The following CCR9 variants were observed in gnomAD, a reference collection of about 807,000 sequenced individuals.
The protein encoded by CCR9 is C-C motif chemokine receptor 9.
In CCR9, 4 loss-of-function variants were observed where a neutral mutation model predicts 8.7. The observed-to-expected ratio is 0.46, with a 90% CI of 0.23 to 1.06. CCR9 has a LOEUF of 1.06. Ranked by LOEUF, CCR9 falls within the 50% of genes least tolerant of loss-of-function variation. The pLI is 0.21. For missense variants in CCR9, 394 were observed against 453.6 expected (o/e 0.87, Z 1.19); for synonymous variants, 159 against 168.8 (o/e 0.94, Z 0.45).
intron 1 of CCR9, among the ~76,000 whole-genome samples, chr3:45,891,460 A>AATTTTTTGC (rs1170230555): frequency 4.6e-5 from 7 of 152,156 alleles, no homozygotes; most frequent in African/African-American, 1.7e-4. Flanking sequence ...TGTTTTCATT[A>AATTTTTTGC]ATTTTTTGCA....
At chr3:45,896,261 T>C (rs980198752) in intron 2 of CCR9, among the ~76,000 whole-genome samples, 2 of 152,242 alleles carry the variant, frequency 1.3e-5, no homozygotes, top group Non-Finnish European at 2.9e-5. Context: ...CATTTGCTTT[T>C]ATCATTTGGG....
At chr3:45,897,917 G>T (rs375992321) in intron 2 of CCR9, among the ~76,000 whole-genome samples, 2 of 140,068 alleles carry the variant, frequency 1.4e-5, no homozygotes, top group Non-Finnish European at 3.0e-5. Flanking sequence ...GGCTGCTTGC[G>T]ATTTGCTTCA....
Position 45,900,757 on chromosome 3 carries a change from A to G in CCR9, c.22-53A>G. The G allele has an allele frequency of 6.4e-7, 1 of 1,555,674 alleles. No homozygotes were observed. Among genetic ancestry groups the G allele is most frequent in the Non-Finnish European group, 8.7e-7 (1 of 1,149,882 alleles). ...GAGGTCCATGCCTCTGCCATCAGAC[A>G]GGACCTTCAAAATATTTTCCTTGAC... On this transcript the variant is annotated intron_variant, in intron 2 of 2. Transcript: ENST00000357632. This position sits in a 1 kb window ranked among gnomAD's most constrained non-coding sequence, Gnocchi z 4.7.
At chr3:45,888,583 G>A (rs1702052397) in intron 1 of CCR9, among the ~76,000 whole-genome samples, 3 of 152,216 alleles carry the variant, frequency 2.0e-5, no homozygotes, top group African/African-American at 7.2e-5. Flanking sequence ...AGGCCTCACT[G>A]AGCAGCAAGG....
chr3:45,897,975 C>CA (rs72284250), intron 2 of CCR9, among the ~76,000 whole-genome samples: 40,654 of 105,696 alleles, frequency 0.38, 7,292 homozygotes, highest in Admixed American at 0.47. Context: ...GCTATTTGAC[C>CA]AAAAAAAAAA....
chr3:45,894,962 C>T lies in CCR9; in HGVS notation c.21+8C>T, dbSNP rs969391050. 3 of 1,613,674 alleles carry T rather than the reference C, an allele frequency of 1.9e-6. No homozygotes were observed. The highest frequency in any genetic ancestry group is 1.7e-5 in the Admixed American group (1 of 60,024). ...ACACCCACAGACTTCACAGTGAGTA[C>T]AGCCGTGCTCCTCTGGCTCCTCAAA... On this transcript the variant is annotated splice_region_variant and intron_variant, in intron 2 of 2. Coordinates refer to ENST00000357632, the MANE Select transcript of CCR9 (RefSeq NM_031200.3).
intron 1 of CCR9, among the ~76,000 whole-genome samples, chr3:45,888,701 T>A (rs76878061): frequency 2.9e-4 from 44 of 152,296 alleles, no homozygotes; most frequent in Non-Finnish European, 4.4e-4. Context: ...TTCCCCCCTA[T>A]ATTTTTCCCG....
At chr3:45,888,690 T>G (rs1057085336) in intron 1 of CCR9, among the ~76,000 whole-genome samples, 1 of 152,164 alleles carries the variant, frequency 6.6e-6, no homozygotes, top group Non-Finnish European at 1.5e-5. Flanking sequence ...TATGTGGGAT[T>G]TTCCCCCCTA....
chr3:45,889,927 T>C (rs1241215921), intron 1 of CCR9, among the ~76,000 whole-genome samples: 1 of 151,580 alleles, frequency 6.6e-6, no homozygotes, highest in Non-Finnish European at 1.5e-5. Context: ...TTTGTGAGAA[T>C]ACCAGTAGGG....
intron 2 of CCR9, among the ~76,000 whole-genome samples, chr3:45,895,392 G>C (rs746969606): frequency 6.6e-6 from 1 of 152,230 alleles, no homozygotes; most frequent in Admixed American, 6.5e-5. Flanking sequence ...ACATTCCCCT[G>C]AAAGAGACCA....
Position 45,901,025 on chromosome 3 carries a change from G to C in CCR9, c.237G>C (p.Val79=), listed in dbSNP as rs928827746. The C allele has an allele frequency of 2.5e-6, 4 of 1,614,184 alleles. No individual in the cohort carries two copies. The South Asian group carries it at 4.4e-5, about 18-fold the overall frequency. The change falls in exon 3 of 3, where the codon GTG becomes GTC. Residue 79 remains valine (V), a synonymous_variant. Transcript: ENST00000357632. This position sits in a 1 kb window ranked among gnomAD's most constrained non-coding sequence, Gnocchi z 4.3. Reference sequence around the variant, plus strand: ...TTGTCTACTGGTACTGCACAAGAGTGAAGACCATGACCGACATGTTCCTTT... The same window carrying C: ...TTGTCTACTGGTACTGCACAAGAGTCAAGACCATGACCGACATGTTCCTTT... ...VILVYWYCTR[V]KTMTDMFLLN... is the part of the protein sequence containing the mutation.
At position 45,901,461 on chromosome 3, in the gene CCR9, C is replaced by T. The variant is rs774622553; in HGVS notation, c.673C>T (p.Leu225Phe). 6.2e-7 allele frequency: 1 copy of T among 1,614,156 alleles called. No homozygotes were observed. Among genetic ancestry groups the T allele is most frequent in the South Asian group, 1.1e-5 (1 of 91,088 alleles). ...LTLKVILGFF[L>F]PFVVMACCYT... is the part of the protein sequence containing the mutation. The stretch of plus-strand genomic sequence containing the variant: ...CCTGAAGGTCATTCTGGGGTTCTTC[C>T]TTCCCTTCGTGGTCATGGCTTGCTG... Residue 225 changes from leucine (L) to phenylalanine (F), a missense_variant, in exon 3 of 3, where the codon CTT becomes TTT. Physicochemically the swap from Leu to Phe is conservative, Grantham distance 22. Transcript: ENST00000357632. This position sits in a 1 kb window ranked among gnomAD's most constrained non-coding sequence, Gnocchi z 4.3.
Position 45,901,922 on chromosome 3 carries a change from T to A in CCR9, c.*24T>A. On this transcript the variant is annotated 3_prime_UTR_variant, in exon 3 of 3. Coordinates refer to ENST00000357632, the MANE Select transcript of CCR9 (RefSeq NM_031200.3). The surrounding 1 kb of genome is among the most constrained non-coding windows in gnomAD (Gnocchi z 4.3). ...GAGGGGTCTTCTCTGAGGTGCATGG[T>A]TCTTTTGGAAGAAATGAGAAATACA... The A allele has an allele frequency of 1.3e-6, 2 of 1,531,648 alleles. No homozygotes were observed. The highest frequency in any genetic ancestry group is 1.8e-6 in the Non-Finnish European group (2 of 1,138,692). 94.9% of individuals were successfully genotyped at this position (1,531,648 alleles called of 1,614,324 possible).
chr3:45,893,729 A>G (rs1395198582), intron 1 of CCR9, among the ~76,000 whole-genome samples: 1 of 152,232 alleles, frequency 6.6e-6, no homozygotes, highest in Non-Finnish European at 1.5e-5. Flanking sequence ...TTTGCCTACC[A>G]CAGAGTAAAG....
In CCR9 at chr3:45,900,689, T is replaced by C. The variant is rs113899385; in HGVS notation, c.22-121T>C. Reference sequence around the variant, plus strand: ...AGCAGATGTCCTCAGAATGCCTATGTGTCTTTGGCCTTATCATAGGTGTTT... The same window carrying C: ...AGCAGATGTCCTCAGAATGCCTATGCGTCTTTGGCCTTATCATAGGTGTTT... On this transcript the variant is annotated intron_variant, in intron 2 of 2. Coordinates refer to ENST00000357632, the MANE Select transcript of CCR9 (RefSeq NM_031200.3). The surrounding 1 kb of genome is among the most constrained non-coding windows in gnomAD (Gnocchi z 4.7). 1.1e-6 allele frequency: 1 copy of C among 909,428 alleles called. No individual in the cohort carries two copies. The highest frequency in any genetic ancestry group is 1.7e-6 in the Non-Finnish European group (1 of 594,434). The allele number at this position is 909,428 out of a possible 1,614,324, so 56.3% of individuals were successfully genotyped here.
intron 1 of CCR9, among the ~76,000 whole-genome samples, chr3:45,889,893 C>T (rs1013996461): frequency 6.6e-6 from 1 of 151,400 alleles, no homozygotes; most frequent in Non-Finnish European, 1.5e-5. Flanking sequence ...AACATATATC[C>T]CTATACCTGG....
rs1223174990 is a variant in CCR9 at position 45,902,390 on chromosome 3, G to C, written c.*492G>C. The C allele has an allele frequency of 1.2e-5, 2 of 169,184 alleles. No homozygotes were observed. Among genetic ancestry groups the C allele is most frequent in the Non-Finnish European group, 2.9e-5 (2 of 69,654 alleles). The allele number at this position is 169,184 out of a possible 1,614,324, so 10.5% of individuals were successfully genotyped here. On this transcript the variant is annotated 3_prime_UTR_variant, in exon 3 of 3. Coordinates refer to ENST00000357632, the MANE Select transcript of CCR9 (RefSeq NM_031200.3). ...TCTTGAGCCTGATAACCCATGCCAG[G>C]TCTTATAGATTCCTGATCTAGAACC...
At chr3:45,898,561 C>G (rs910371774) in intron 2 of CCR9, among the ~76,000 whole-genome samples, 1 of 152,232 alleles carries the variant, frequency 6.6e-6, no homozygotes, top group Non-Finnish European at 1.5e-5. Flanking sequence ...CTGGGTCCCT[C>G]TCTTTGCAAT....
In CCR9 at chr3:45,896,104, A is replaced by C. The variant is rs1015272343; in HGVS notation, c.21+1150A>C. 2.4e-4 allele frequency among the ~76,000 whole-genome samples: 36 copies of C among 152,340 alleles called. 1 individual carries two copies. The highest frequency in any genetic ancestry group is 1.4e-3 in the Admixed American group (22 of 15,302). On this transcript the variant is annotated intron_variant, in intron 2 of 2. Coordinates refer to ENST00000357632, the MANE Select transcript of CCR9 (RefSeq NM_031200.3). ...ATCCATAACAACAAAAAAGTAATTA[A>C]TTTGGTCCTGGTGAAGTAACTATTA...
Sources: gnomAD v4.1 joint callset for allele counts (sites outside exome capture counted in the v4.1 genomes callset) on GRCh38, gnomAD v4.1.1 for gene constraint, Gnocchi (gnomAD v3.1) non-coding constraint, MANE v1.5 for transcripts, NCBI Gene and HGNC (gene_info 2026-07-23, HGNC 2026-07-21) for gene names.